SAMD5: variants seen among roughly 807,000 people sequenced by gnomAD.
SAMD5 encodes sterile alpha motif domain containing 5.
A neutral mutation model predicts 11.3 loss-of-function variants in SAMD5; 13 were observed. That is an observed-to-expected ratio of 1.15 (90% CI 0.75 to 1.83). The LOEUF is 1.83. Among genes scored for constraint, SAMD5 ranks in the 40% most tolerant of loss-of-function variants. The pLI is 0.00. For synonymous variants in SAMD5, 129 were observed against 111.3 expected, an observed-to-expected ratio of 1.16 and a Z score of -1.00; for missense variants, 255 against 239.1, an observed-to-expected ratio of 1.07 and a Z score of -0.44.
chr6:147,778,795 C>A, the SAMD5 span, among the ~76,000 whole-genome samples: 1 of 151,992 alleles, frequency 6.6e-6, no homozygotes, highest in East Asian at 1.9e-4. Context: ...CATGTGAGGG[C>A]AGGAACTTAC....
At chr6:147,830,263 T>C in the SAMD5 span, among the ~76,000 whole-genome samples, 1 of 139,200 alleles carries the variant, frequency 7.2e-6, no homozygotes, top group Non-Finnish European at 1.6e-5. Flanking sequence ...TTTTTTTTTT[T>C]TTTTTTTTTT....
At chr6:147,828,501 C>T in the SAMD5 span, among the ~76,000 whole-genome samples, 1 of 152,158 alleles carries the variant, frequency 6.6e-6, no homozygotes, top group Non-Finnish European at 1.5e-5. Flanking sequence ...ATCTAATCAG[C>T]TGCCAGCGCA....
chr6:147,541,151 T>C (rs1050041396), intron 1 of SAMD5, among the ~76,000 whole-genome samples: 1 of 152,026 alleles, frequency 6.6e-6, no homozygotes, highest in Non-Finnish European at 1.5e-5. Flanking sequence ...GGTTTCACCA[T>C]GTTGGCCAGG....
chr6:147,608,901 TC>T (rs1789741378), intron 1 of SAMD5, among the ~76,000 whole-genome samples: 1 of 152,148 alleles, frequency 6.6e-6, no homozygotes, highest in African/African-American at 2.4e-5. Flanking sequence ...TCAAAACAGC[TC>T]GTGTACCCCA....
At chr6:147,538,219 T>A (rs1011630381) in intron 1 of SAMD5, among the ~76,000 whole-genome samples, 2 of 152,216 alleles carry the variant, frequency 1.3e-5, no homozygotes, top group Non-Finnish European at 2.9e-5. Flanking sequence ...TAATTTTTTT[T>A]AAATCTTAGC....
In SAMD5 at chr6:147,568,542, C is replaced by T; in HGVS notation, c.*4086C>T. On this transcript the variant is annotated 3_prime_UTR_variant, in exon 2 of 2. Transcript: ENST00000367474. ...TAAGAGAAATAAGTGAAAGTCTGAC[C>T]CTACATTGCCAATTCTCAGACCAAG... The T allele has an allele frequency of 1.0e-6, 1 of 985,198 alleles. No homozygotes were observed. Among genetic ancestry groups the T allele is most frequent in the Non-Finnish European group, 1.2e-6 (1 of 829,850 alleles). 61.0% of individuals were successfully genotyped at this position (985,198 alleles called of 1,614,324 possible).
chr6:147,871,835 T>C, the SAMD5 span, among the ~76,000 whole-genome samples: 5 of 152,222 alleles, frequency 3.3e-5, no homozygotes, highest in Non-Finnish European at 7.3e-5. Context: ...CTGTAATTCC[T>C]GCTACGTTCT....
the SAMD5 span, among the ~76,000 whole-genome samples, chr6:147,775,549 A>G: frequency 6.6e-6 from 1 of 152,202 alleles, no homozygotes; most frequent in East Asian, 1.9e-4. Context: ...ATAAATGTAT[A>G]TTAATTCAGT....
intron 1 of SAMD5, among the ~76,000 whole-genome samples, chr6:147,528,444 C>T (rs1788379727): frequency 6.6e-6 from 1 of 152,126 alleles, no homozygotes; most frequent in African/African-American, 2.4e-5. Context: ...GTCCTAATCT[C>T]CTCTTCTTAT....
At chr6:147,517,502 T>TGATAAATCAGTGGTA (rs151108525) in intron 1 of SAMD5, among the ~76,000 whole-genome samples, 71,073 of 151,662 alleles carry the variant, frequency 0.47, 19,296 homozygotes, top group African/African-American at 0.77. Flanking sequence ...GGGTGTTTGA[T>TGATAAATCAGTGGTA]GATTTTTAGT....
rs554552739 is a variant in SAMD5, at chr6:147,557,973, A to G, written c.460-6421A>G. On this transcript the variant is annotated intron_variant, in intron 1 of 1. Transcript: ENST00000367474. ...TAAGCAGTAAAGGTGATTATGTAAA[A>G]GTGTACGTTCACATCACAGTCCCTG... Among the ~76,000 whole-genome samples the G allele has an allele frequency of 2.6e-5, 4 of 152,262 alleles. No homozygotes were observed. In the East Asian group the frequency reaches 7.7e-4, roughly 29 times the overall value.
At chr6:147,622,900 T>G (rs1268713215) in intron 1 of SAMD5, among the ~76,000 whole-genome samples, 2 of 152,104 alleles carry the variant, frequency 1.3e-5, no homozygotes, top group Non-Finnish European at 2.9e-5. Flanking sequence ...CAAGAGAGAA[T>G]GAGATCTAAG....
chr6:147,916,332 T>A, the SAMD5 span, among the ~76,000 whole-genome samples: 4 of 152,090 alleles, frequency 2.6e-5, no homozygotes, highest in South Asian at 4.2e-4. Context: ...CGCCACACTG[T>A]CTTCCACAAT....
chr6:147,556,455 C>T (rs1788859637), intron 1 of SAMD5, among the ~76,000 whole-genome samples: 1 of 152,186 alleles, frequency 6.6e-6, no homozygotes, highest in Admixed American at 6.5e-5. Flanking sequence ...CAATTTAAAA[C>T]ACAGTACATA....
At chr6:147,631,933 C>T (rs1790157823) in intron 1 of SAMD5, among the ~76,000 whole-genome samples, 1 of 152,076 alleles carries the variant, frequency 6.6e-6, no homozygotes, top group Non-Finnish European at 1.5e-5. Context: ...TTGTAACCTA[C>T]AAGGAAGAGG....
the SAMD5 span, among the ~76,000 whole-genome samples, chr6:147,854,870 C>T: frequency 6.6e-6 from 1 of 152,146 alleles, no homozygotes; most frequent in African/African-American, 2.4e-5. Context: ...TACCTACTCA[C>T]TTATTACTCC....
At chr6:147,523,135 A>G (rs1788280466) in intron 1 of SAMD5, among the ~76,000 whole-genome samples, 1 of 152,118 alleles carries the variant, frequency 6.6e-6, no homozygotes, top group Non-Finnish European at 1.5e-5. Flanking sequence ...TTTCAGTGAA[A>G]TATACACTTA....
intron 1 of SAMD5, among the ~76,000 whole-genome samples, chr6:147,703,458 C>T (rs531625981): frequency 3.9e-5 from 6 of 152,192 alleles, no homozygotes; most frequent in African/African-American, 7.2e-5. Context: ...AGAGCCCAAA[C>T]GGTATCTTAC....
the SAMD5 span, among the ~76,000 whole-genome samples, chr6:147,816,266 G>A: frequency 1.3e-5 from 1 of 79,876 alleles, no homozygotes; most frequent in Middle Eastern, 0.017. Flanking sequence ...GGCAACAAGA[G>A]TGAAACTCCG....
Sources: allele counts gnomAD v4.1 joint callset (sites outside exome capture counted in the v4.1 genomes callset), GRCh38; gene constraint gnomAD v4.1.1; transcripts MANE v1.5; gene names NCBI Gene and HGNC (gene_info 2026-07-23, HGNC 2026-07-21).